The following DST variants were observed in gnomAD, a reference collection of about 807,000 sequenced individuals.
The protein encoded by DST is bullous pemphigoid antigen.
In DST, 253 loss-of-function variants were observed where a neutral mutation model predicts 875.2. That is an observed-to-expected ratio of 0.29 (90% CI 0.26 to 0.32). The LOEUF is 0.32. Ranked by LOEUF, DST falls within the 10% of genes least tolerant of loss-of-function variation. DST has a pLI of 1.00. For missense variants in DST, 8,287 were observed against 9,111.6 expected (o/e 0.91, Z 3.68); for synonymous variants, 3,124 against 3,197.1 (o/e 0.98, Z 0.77).
At chr6:56,801,696 A>G (rs2099747136) in intron 4 of DST, among the ~76,000 whole-genome samples, 1 of 152,142 alleles carries the variant, frequency 6.6e-6, no homozygotes, top group Non-Finnish European at 1.5e-5. Context: ...AAGAAGTGAT[A>G]ATATAAAATG....
chr6:56,636,348 GTATA>G (rs200544768), intron 23 of DST, among the ~76,000 whole-genome samples: 14 of 148,730 alleles, frequency 9.4e-5, no homozygotes, highest in Admixed American at 7.4e-4. Flanking sequence ...ATATGTATGT[GTATA>G]TATATGTGTG....
At position 56,477,481 on chromosome 6, in the gene DST, A is replaced by G. The variant is rs761706635; in HGVS notation, c.21539T>C (p.Met7180Thr). 8.7e-6 allele frequency: 14 copies of G among 1,613,866 alleles called. No individual in the cohort carries two copies. Among genetic ancestry groups the G allele is most frequent in the Admixed American group, 1.7e-5 (1 of 59,998 alleles). Residue 7180 changes from methionine (M) to threonine (T), a missense_variant, in exon 91 of 104, where the codon ATG (methionine) becomes ACG (threonine). By Grantham distance (81) the Met-to-Thr change is moderately conservative (BLOSUM62 -1). This residue lies in a region of DST where 1,292 missense variants were observed against 1,552.7 expected (regional missense o/e 0.83). Coordinates refer to ENST00000680361, the MANE Select transcript of DST (RefSeq NM_001374736.1). ...RTLIDQHKEF[M>T]KKLEEKRAEL... is the part of the protein sequence containing the mutation. The stretch of plus-strand genomic sequence containing the variant: ...AGCTCTCTTTTCTTCCAGTTTCTTC[A>G]TGAATTCCTACAGCAGAAACAAAGA...
chr6:56,695,980 A>T (rs1019607308), intron 9 of DST, among the ~76,000 whole-genome samples: 2 of 152,222 alleles, frequency 1.3e-5, no homozygotes, highest in African/African-American at 4.8e-5. Context: ...CATACTAAAA[A>T]AAGTTATTTC....
chr6:56,566,300 G>C (rs1020592956), intron 55 of DST, among the ~76,000 whole-genome samples: 5 of 152,122 alleles, frequency 3.3e-5, no homozygotes, highest in African/African-American at 1.2e-4. Context: ...ACCCAGTTTT[G>C]TGCTTGAAAC....
At chr6:56,620,772 T>C (rs2098683560) in intron 36 of DST, 1 of 1,482,806 alleles carries the variant, frequency 6.7e-7, no homozygotes, top group East Asian at 2.3e-5. Context: ...TCTTACAACG[T>C]ATGAATCAAT....
At chr6:56,569,754 A>G in intron 54 of DST, 102 bp downstream of exon 54, 2 of 1,062,788 alleles carry the variant, frequency 1.9e-6, no homozygotes, top group Non-Finnish European at 1.4e-6. Context: ...ATATATGAGG[A>G]TAAAACTTAG....
In DST at chr6:56,485,324, G is replaced by A. The variant is rs759930255; in HGVS notation, c.21195C>T (p.Ile7065=). 5.6e-6 allele frequency: 9 copies of A among 1,613,524 alleles called. No individual in the cohort carries two copies. The Admixed American group carries it at 8.3e-5, about 15-fold the overall frequency. The stretch of plus-strand genomic sequence containing the variant: ...CAGATAACAATACCTTGTGATTATC[G>A]ATCAGATTCATCACCAAATCAATGT... ...HGDIDLVMNL[I]DNHKAFQKEL... Residue 7065 remains isoleucine (I), a synonymous_variant, in exon 88 of 104, where the codon ATC becomes ATT. Coordinates refer to ENST00000680361, the MANE Select transcript of DST (RefSeq NM_001374736.1).
chr6:56,520,034 A>C (rs1323283123), intron 69 of DST, among the ~76,000 whole-genome samples: 1 of 152,210 alleles, frequency 6.6e-6, no homozygotes, highest in East Asian at 1.9e-4. Context: ...AGAACATCTC[A>C]GCAAAGAAAA....
chr6:56,698,281 C>A (rs2099274663), intron 9 of DST, among the ~76,000 whole-genome samples: 1 of 151,950 alleles, frequency 6.6e-6, no homozygotes, highest in African/African-American at 2.4e-5. Context: ...CATTATTCTC[C>A]ACCATTTGTC....
At chr6:56,740,237 C>T (rs1026238742) in intron 4 of DST, among the ~76,000 whole-genome samples, 8 of 152,152 alleles carry the variant, frequency 5.3e-5, no homozygotes, top group African/African-American at 1.9e-4. Flanking sequence ...GCAAGAGATC[C>T]AAGAACCCTC....
At chr6:56,871,288 C>G in intron 3 of DST, 1 of 789,404 alleles carries the variant, frequency 1.3e-6, no homozygotes, top group Non-Finnish European at 2.3e-6. Context: ...CGTGAAACTG[C>G]CCAGGACACC....
intron 2 of DST, among the ~76,000 whole-genome samples, chr6:56,924,114 C>G (rs546242077): frequency 1.3e-5 from 2 of 152,002 alleles, no homozygotes; most frequent in Non-Finnish European, 2.9e-5. Flanking sequence ...ATAGAGCAAG[C>G]CACCATCTCA....
chr6:56,773,366 T>A (rs2099671276), intron 4 of DST, among the ~76,000 whole-genome samples: 1 of 152,082 alleles, frequency 6.6e-6, no homozygotes, highest in Non-Finnish European at 1.5e-5. Flanking sequence ...ATATAACCAC[T>A]GCTTATATAT....
chr6:56,871,258 G>C (rs192433188), intron 3 of DST: 155 of 775,730 alleles, frequency 2.0e-4, no homozygotes, highest in African/African-American at 2.0e-3. Flanking sequence ...TCAAATCTTC[G>C]TGTTCACTTT....
In DST at chr6:56,603,599, AG is replaced by A. The variant is rs2098466478; in HGVS notation, c.10905del (p.Leu3636TrpfsTer4). The A allele has an allele frequency of 4.3e-6, 7 of 1,610,120 alleles. No homozygotes were observed. The highest frequency in any genetic ancestry group is 5.9e-6 in the Non-Finnish European group (7 of 1,178,720). ...CTAAGTTGATTCTTCAAAGCTTCCA[AG>A]TTGTTATCCAGAGATTCCTGGTTGT... ...PLDNQESLDN[N>X]LEALKNQLRQ... On this transcript the variant is annotated frameshift_variant, in exon 41 of 104. Transcript: ENST00000680361. LOFTEE classifies it high-confidence loss of function.
At chr6:56,601,319 C>G (rs1029978323) in intron 44 of DST, 124 bp downstream of exon 44, 1 of 633,796 alleles carries the variant, frequency 1.6e-6, no homozygotes, top group African/African-American at 1.8e-5. Context: ...TTTGTATGTA[C>G]ACTGTATCTT....
At chr6:56,891,565 CAAA>C (rs531964301) in intron 3 of DST, among the ~76,000 whole-genome samples, 6,956 of 62,350 alleles carry the variant, frequency 0.11, 227 homozygotes, top group East Asian at 0.25. Flanking sequence ...GACTCCGTCT[CAAA>C]AAAAAAAAAA....
chr6:56,620,857 C>A (rs996439024), intron 36 of DST: 9 of 771,530 alleles, frequency 1.2e-5, no homozygotes, highest in Non-Finnish European at 1.8e-5. Flanking sequence ...AGCAGCATCA[C>A]CTTCTTCAGA....
rs2098662012 is a variant in DST at position 56,619,208 on chromosome 6, T to C, written c.4930-4724A>G. 5 of 1,614,028 alleles carry C rather than the reference T, an allele frequency of 3.1e-6. No homozygotes were observed. The highest frequency in any genetic ancestry group is 4.2e-6 in the Non-Finnish European group (5 of 1,180,014). ...CTGAATTTTCAGTGCTTCACATCTT[T>C]GCTGGATAGTTTGTTTCTCTAAAAC... On this transcript the variant is annotated intron_variant, in intron 36 of 103. Coordinates refer to ENST00000680361, the MANE Select transcript of DST (RefSeq NM_001374736.1).
Sources: gnomAD v4.1 joint callset for allele counts (sites outside exome capture counted in the v4.1 genomes callset) on GRCh38, gnomAD v4.1.1 for gene constraint, gnomAD v4.1.1 regional missense constraint, MANE v1.5 for transcripts, NCBI Gene and HGNC (gene_info 2026-07-23, HGNC 2026-07-21) for gene names.